Variants in LRP1B observed in about 807,000 individuals in gnomAD.
LRP1B encodes the protein LDL receptor related protein 1B.
LRP1B carries 217 observed loss-of-function variants against 556.6 expected under a neutral mutation model. The ratio of observed to expected loss-of-function variants is 0.39; its 90% confidence interval spans 0.35 to 0.44. The LOEUF is 0.44. LRP1B is among the 20% of genes least tolerant of loss of function. The pLI, the probability that LRP1B is intolerant of heterozygous loss-of-function variation, is 1.00. For synonymous variants in LRP1B, 2,047 were observed against 1,865.8 expected (o/e 1.10, Z -2.50); for missense variants, 5,053 against 5,620.8 (o/e 0.90, Z 3.23).
intron 2 of LRP1B, among the ~76,000 whole-genome samples, chr2:141,806,662 AAC>A (rs1182736217): frequency 2.0e-5 from 3 of 152,074 alleles, no homozygotes; most frequent in Admixed American, 2.0e-4. Context: ...CCTGGGCACA[AAC>A]ACACACAGAA....
intron 86 of LRP1B, among the ~76,000 whole-genome samples, chr2:140,256,737 G>A (rs1681712689): frequency 6.6e-6 from 1 of 151,258 alleles, no homozygotes; most frequent in Non-Finnish European, 1.5e-5. Context: ...AAAGTGCTGG[G>A]ATTACAGGTG....
chr2:140,938,745 TTAGTGGGTCAC>T (rs1695304709), intron 20 of LRP1B, among the ~76,000 whole-genome samples: 1 of 152,098 alleles, frequency 6.6e-6, no homozygotes. Context: ...TGTCGGACAA[TTAGTGGGTCAC>T]TAACATACAT....
chr2:140,487,452 C>T (rs1688516127), intron 58 of LRP1B, among the ~76,000 whole-genome samples, 165 bp downstream of exon 58: 1 of 151,784 alleles, frequency 6.6e-6, no homozygotes, highest in Non-Finnish European at 1.5e-5. Context: ...AATAAAAGGT[C>T]TCATTTTTCA....
rs567656834 is a variant in LRP1B at position 140,494,752 on chromosome 2, C to A, written c.9034+813G>T. Reference sequence around the variant, plus strand: ...GTAAAGTTTTAACCCATTAAAAAAACCCATATTTTAAAATTAATATCTCTG... The same window carrying A: ...GTAAAGTTTTAACCCATTAAAAAAAACCATATTTTAAAATTAATATCTCTG... On this transcript the variant is annotated intron_variant, in intron 56 of 90. Transcript: ENST00000389484. 1.7e-4 allele frequency among the ~76,000 whole-genome samples: 26 copies of A among 149,842 alleles called. No homozygotes were observed. The East Asian group carries it at 4.9e-3, about 28-fold the overall frequency.
At chr2:140,476,620 G>T (rs536868359) in intron 59 of LRP1B, among the ~76,000 whole-genome samples, 40 of 151,984 alleles carry the variant, frequency 2.6e-4, no homozygotes, top group African/African-American at 9.2e-4. Context: ...ATTGTGTTTT[G>T]ACAATCATTT....
intron 2 of LRP1B, among the ~76,000 whole-genome samples, chr2:141,801,574 G>A (rs1696007386): frequency 6.6e-6 from 1 of 152,182 alleles, no homozygotes; most frequent in Non-Finnish European, 1.5e-5. Context: ...AAAGTTTGGA[G>A]CAACCCATCA....
intron 86 of LRP1B, 41 bp downstream of exon 86, chr2:140,270,201 A>G: frequency 7.2e-7 from 1 of 1,384,918 alleles, no homozygotes; most frequent in East Asian, 2.3e-5. Flanking sequence ...GTACATACAA[A>G]GGCTTATTAT....
At chr2:142,044,161 G>T (rs1470686332) in intron 1 of LRP1B, among the ~76,000 whole-genome samples, 1 of 151,690 alleles carries the variant, frequency 6.6e-6, no homozygotes, top group Non-Finnish European at 1.5e-5. Flanking sequence ...CTTGACAAAT[G>T]AGTAATCCTT....
intron 1 of LRP1B, among the ~76,000 whole-genome samples, chr2:141,887,485 T>C (rs1389282090): frequency 1.3e-5 from 2 of 152,206 alleles, no homozygotes; most frequent in Non-Finnish European, 2.9e-5. Flanking sequence ...TCTCAGTGCA[T>C]AATCATTGTT....
At chr2:140,854,176 C>A (rs1692545728) in intron 27 of LRP1B, among the ~76,000 whole-genome samples, 1 of 151,894 alleles carries the variant, frequency 6.6e-6, no homozygotes, top group Non-Finnish European at 1.5e-5. Flanking sequence ...AATGCTATTT[C>A]TCAGGAAAAT....
At chr2:141,572,280 C>T (rs530476419) in intron 2 of LRP1B, among the ~76,000 whole-genome samples, 157 of 152,234 alleles carry the variant, frequency 1.0e-3, no homozygotes, top group African/African-American at 3.7e-3. Flanking sequence ...CAATATACAA[C>T]ATTCTTAAAG....
At chr2:142,028,519 G>C (rs899237095) in intron 1 of LRP1B, among the ~76,000 whole-genome samples, 2 of 151,818 alleles carry the variant, frequency 1.3e-5, no homozygotes, top group African/African-American at 4.8e-5. Flanking sequence ...TCCTTTCTTT[G>C]CTGAGTAATA....
intron 1 of LRP1B, among the ~76,000 whole-genome samples, chr2:141,816,628 C>T (rs1030975541): frequency 1.3e-5 from 2 of 152,092 alleles, no homozygotes; most frequent in African/African-American, 4.8e-5. Context: ...TGGGACTGCA[C>T]CTTGTGATTG....
At chr2:140,606,998 T>C (rs1048455925) in intron 41 of LRP1B, among the ~76,000 whole-genome samples, 1 of 151,966 alleles carries the variant, frequency 6.6e-6, no homozygotes, top group African/African-American at 2.4e-5. Flanking sequence ...AGACAAAAAG[T>C]CAACTGACAG....
intron 84 of LRP1B, among the ~76,000 whole-genome samples, chr2:140,278,869 G>T (rs913929077): frequency 6.6e-6 from 1 of 151,848 alleles, no homozygotes; most frequent in Non-Finnish European, 1.5e-5. Flanking sequence ...GGGGCAAAGA[G>T]TTGCTCACTA....
In LRP1B at chr2:141,514,346, C is replaced by A. The variant is rs191748120; in HGVS notation, c.206-33813G>T. ...TCTCCCTCTCTATCTTGCTCTCCAT[C>A]CACGGGATCTTGTTGAACATGCATG... is the stretch of plus-strand genomic sequence containing the variant. On this transcript the variant is annotated intron_variant, in intron 2 of 90. Coordinates refer to ENST00000389484, the MANE Select transcript of LRP1B (RefSeq NM_018557.3). 7.9e-5 allele frequency among the ~76,000 whole-genome samples: 12 copies of A among 152,302 alleles called. No homozygotes were observed. The East Asian group carries it at 2.3e-3, about 29-fold the overall frequency.
At chr2:140,567,042 C>T (rs1459256392) in intron 43 of LRP1B, among the ~76,000 whole-genome samples, 1 of 152,146 alleles carries the variant, frequency 6.6e-6, no homozygotes, top group Non-Finnish European at 1.5e-5. Context: ...CATCCCAAGT[C>T]TGAGCTGCTA....
intron 27 of LRP1B, among the ~76,000 whole-genome samples, chr2:140,853,599 A>G (rs1692524783): frequency 6.6e-6 from 1 of 152,160 alleles, no homozygotes; most frequent in Non-Finnish European, 1.5e-5. Context: ...ACTGAATTTG[A>G]TAAATATTCA....
chr2:141,187,102 T>A (rs1000291781), intron 7 of LRP1B, among the ~76,000 whole-genome samples: 3 of 152,100 alleles, frequency 2.0e-5, no homozygotes, highest in Non-Finnish European at 2.9e-5. Context: ...TCTTTCTTAC[T>A]GCCCTTATCC....
Sources: gnomAD v4.1 joint callset for allele counts (sites outside exome capture counted in the v4.1 genomes callset) on GRCh38, gnomAD v4.1.1 for gene constraint, MANE v1.5 for transcripts, NCBI Gene and HGNC (gene_info 2026-07-23, HGNC 2026-07-21) for gene names.